SLC13A5: variants seen among roughly 807,000 people sequenced by gnomAD.
The protein encoded by SLC13A5 is Na(+)/citrate cotransporter.
A neutral mutation model predicts 56.5 loss-of-function variants in SLC13A5; 25 were observed. The observed-to-expected ratio is 0.44, with a 90% CI of 0.32 to 0.62. The LOEUF (loss-of-function observed/expected upper bound fraction) is 0.62, where lower values mean the gene tolerates loss of function less well. Among genes scored for constraint, SLC13A5 ranks in the 20% least tolerant of loss-of-function variants. SLC13A5 has a pLI of 0.04. For synonymous variants in SLC13A5, 307 were observed against 301.5 expected (o/e 1.02, Z -0.19); for missense variants, 649 against 737.8 (o/e 0.88, Z 1.39).
In SLC13A5 at chr17:6,687,585, C is replaced by A. The variant is rs751195634; in HGVS notation, c.1519G>T (p.Ala507Ser). 1 of 1,613,820 alleles carries A rather than the reference C, an allele frequency of 6.2e-7. No individual in the cohort carries two copies. The highest frequency in any genetic ancestry group is 1.7e-5 in the Admixed American group (1 of 59,978). Residue 507 changes from alanine (A) to serine (S), a missense_variant, in exon 11 of 12, where the codon GCC becomes TCC. Transcript: ENST00000433363. The surrounding 1 kb of genome is among the most constrained non-coding windows in gnomAD (Gnocchi z 5.0). ...SASFAFMLPVATPPNAIVFTY... is the reference protein window; with the variant it reads ...SASFAFMLPVSTPPNAIVFTY... Reference sequence around the variant, plus strand: ...AACACGATGGCATTTGGAGGGGTGGCCACAGGCAACATGAAGGCAAAGGAG... The same window carrying A: ...AACACGATGGCATTTGGAGGGGTGGACACAGGCAACATGAAGGCAAAGGAG...
chr17:6,700,999 C>T lies in SLC13A5; in HGVS notation c.839+5G>A. 1 of 1,614,152 alleles carries T rather than the reference C, an allele frequency of 6.2e-7. No individual in the cohort carries two copies. The highest frequency in any genetic ancestry group is 1.1e-5 in the South Asian group (1 of 91,088). The stretch of plus-strand genomic sequence containing the variant: ...ATAATTAGGCTGTGAGCAGCTCAAA[C>T]TTACTTGAATCTCATGTAAACAAAC... On this transcript the variant is annotated splice_donor_5th_base_variant and intron_variant, in intron 6 of 11. Coordinates refer to ENST00000433363, the MANE Select transcript of SLC13A5 (RefSeq NM_177550.5).
chr17:6,712,158 G>C (rs1374012649), intron 1 of SLC13A5, among the ~76,000 whole-genome samples: 1 of 152,222 alleles, frequency 6.6e-6, no homozygotes, highest in Non-Finnish European at 1.5e-5. Flanking sequence ...TGGAAGTCCA[G>C]TTCTCTTGCA....
At chr17:6,694,009 T>TCCCTCTAGGGCC in intron 8 of SLC13A5, 88 bp downstream of exon 8, 1 of 729,270 alleles carries the variant, frequency 1.4e-6, no homozygotes. Flanking sequence ...TGGGATTTTC[T>TCCCTCTAGGGCC]CCCTCTAGGG....
intron 1 of SLC13A5, among the ~76,000 whole-genome samples, chr17:6,708,178 C>A (rs1973922595): frequency 6.6e-6 from 1 of 152,230 alleles, no homozygotes; most frequent in Non-Finnish European, 1.5e-5. Context: ...CCACATTGGC[C>A]AGGCTGATCT....
Position 6,703,150 on chromosome 17 carries a change from A to C in SLC13A5, c.548-12T>G, listed in dbSNP as rs1973763293. On this transcript the variant is annotated splice_polypyrimidine_tract_variant and intron_variant, in intron 4 of 11. Coordinates refer to ENST00000433363, the MANE Select transcript of SLC13A5 (RefSeq NM_177550.5). ...AATCACTTGACTCCCTGTGGTGGGC[A>C]CAGCGCTGTTAGCTGAGCCAGTCAT... 7.4e-6 allele frequency: 12 copies of C among 1,613,734 alleles called. No individual in the cohort carries two copies. The highest frequency in any genetic ancestry group is 1.0e-5 in the Non-Finnish European group (12 of 1,179,938).
rs886292151 is a variant in SLC13A5 at position 6,685,895 on chromosome 17, G to A, written c.*312C>T. 10 of 363,586 alleles carry A rather than the reference G, an allele frequency of 2.8e-5. No homozygotes were observed. Among genetic ancestry groups the A allele is most frequent in the African/African-American group, 1.4e-4 (7 of 48,688 alleles). 22.5% of individuals were successfully genotyped at this position (363,586 alleles called of 1,614,324 possible). A position where few individuals can be genotyped will look rare whatever the true frequency, so the allele number is the denominator to read the frequency against. On this transcript the variant is annotated 3_prime_UTR_variant, in exon 12 of 12. Transcript: ENST00000433363. This position sits in a 1 kb window ranked among gnomAD's most constrained non-coding sequence, Gnocchi z 4.2. Reference sequence around the variant, plus strand: ...GTGGGGGATGCTTGAGGCAGAGCGGGTACAGCAGCCTGCATCCTGATCCCT... The same window carrying A: ...GTGGGGGATGCTTGAGGCAGAGCGGATACAGCAGCCTGCATCCTGATCCCT...
chr17:6,694,064 C>T lies in SLC13A5; in HGVS notation c.1156+33G>A, dbSNP rs896804779. On this transcript the variant is annotated intron_variant, in intron 8 of 11. Coordinates refer to ENST00000433363, the MANE Select transcript of SLC13A5 (RefSeq NM_177550.5). ...ACCCTTTGGTTCCAGGGCTCCAGTC[C>T]TGATGACTGGGCGATCAGAACAGGA... 4.0e-6 allele frequency: 6 copies of T among 1,494,178 alleles called. No homozygotes were observed. In the African/African-American group the frequency reaches 6.9e-5, roughly 17 times the overall value. 92.6% of individuals were successfully genotyped at this position (1,494,178 alleles called of 1,614,324 possible).
chr17:6,705,193 G>C (rs1338246822), intron 3 of SLC13A5: 1 of 152,450 alleles, frequency 6.6e-6, no homozygotes, highest in Middle Eastern at 3.4e-3. Flanking sequence ...CGGGACCCAG[G>C]CTAGGAGGAG....
At position 6,686,101 on chromosome 17, in the gene SLC13A5, T is replaced by C. The variant is rs1444245481; in HGVS notation, c.*106A>G. On this transcript the variant is annotated 3_prime_UTR_variant, in exon 12 of 12. Transcript: ENST00000433363. ...GGGTTTTGGTGGTGTGTGGACATCG[T>C]TGGGTCATTTTGGGGTGTGAACCCC... is the stretch of plus-strand genomic sequence containing the variant. 1 of 1,510,928 alleles carries C rather than the reference T, an allele frequency of 6.6e-7. No individual in the cohort carries two copies. Among genetic ancestry groups the C allele is most frequent in the Non-Finnish European group, 9.0e-7 (1 of 1,111,944 alleles). The allele number at this position is 1,510,928 out of a possible 1,614,324, so 93.6% of individuals were successfully genotyped here. A position where few individuals can be genotyped will look rare whatever the true frequency, so the allele number is the denominator to read the frequency against.
rs1304662475 is a variant in SLC13A5, at chr17:6,687,135, C to T, written c.1575+394G>A. The T allele has an allele frequency of 4.5e-6, 1 of 220,732 alleles. No individual in the cohort carries two copies. The highest frequency in any genetic ancestry group is 2.4e-5 in the African/African-American group (1 of 42,076). 13.7% of individuals were successfully genotyped at this position (220,732 alleles called of 1,614,324 possible). On this transcript the variant is annotated intron_variant, in intron 11 of 11. Coordinates refer to ENST00000433363, the MANE Select transcript of SLC13A5 (RefSeq NM_177550.5). This position sits in a 1 kb window ranked among gnomAD's most constrained non-coding sequence, Gnocchi z 5.0. ...TACCTCTTCAGGCACCCCTACAAAT[C>T]TCTGTGACTGTCATTAGCATCCCCC...
In SLC13A5 at chr17:6,695,816, C is replaced by G; in HGVS notation, c.965G>C (p.Cys322Ser). Residue 322 changes from cysteine (C) to serine (S), a missense_variant, in exon 7 of 12, where the codon TGC (cysteine) becomes TCC (serine). Cys to Ser is a moderately radical substitution (Grantham distance 112). Coordinates refer to ENST00000433363, the MANE Select transcript of SLC13A5 (RefSeq NM_177550.5). ...CCACAGGATGACCAGCAGGAAGAAG[C>G]AGATCAGCACGTTGATCTCCGCGAA... ...LSFAEINVLI[C>S]FFLLVILWFS... 1 of 1,614,220 alleles carries G rather than the reference C, an allele frequency of 6.2e-7. No homozygotes were observed. The highest frequency in any genetic ancestry group is 8.5e-7 in the Non-Finnish European group (1 of 1,180,048).
At position 6,711,635 on chromosome 17, in the gene SLC13A5, CGT is replaced by C. The variant is rs1168295245; in HGVS notation, c.102+1595_102+1596del. Among the ~76,000 whole-genome samples, 12 of 145,076 alleles carry C rather than the reference CGT, an allele frequency of 8.3e-5. No individual in the cohort carries two copies. The South Asian group carries it at 2.5e-3, about 30-fold the overall frequency. On this transcript the variant is annotated intron_variant, in intron 1 of 11. Transcript: ENST00000433363. This position sits in a 1 kb window ranked among gnomAD's most constrained non-coding sequence, Gnocchi z 4.0. ...GTTTTTGTGTGTGTTTGTGTTTGTG[CGT>C]GTGTTTTGTGTGTGTCTGTGTGTTT...
chr17:6,712,180 T>C (rs1974058014), intron 1 of SLC13A5, among the ~76,000 whole-genome samples: 1 of 152,218 alleles, frequency 6.6e-6, no homozygotes, highest in African/African-American at 2.4e-5. Flanking sequence ...GTTGGCTTCC[T>C]GACACCCCAG....
chr17:6,704,254 CCT>C (rs749562711), intron 3 of SLC13A5, 198 bp from the exon 4 acceptor site: 56 of 700,732 alleles, frequency 8.0e-5, no homozygotes, highest in Admixed American at 1.8e-4. Context: ...TTCCTCCATT[CCT>C]CTCTCCCTCC....
chr17:6,686,568 C>A, intron 11 of SLC13A5: 1 of 497,770 alleles, frequency 2.0e-6, no homozygotes, highest in Non-Finnish European at 3.6e-6. Flanking sequence ...TGCCCGTGCG[C>A]ATTTGGAAAA....
At chr17:6,689,711 T>C (rs919636004) in intron 10 of SLC13A5, 11 of 152,118 alleles carry the variant, frequency 7.2e-5, no homozygotes, top group African/African-American at 2.7e-4. Flanking sequence ...AACACTTTCA[T>C]CTTCACTTGG....
chr17:6,701,111 G>A lies in SLC13A5; in HGVS notation c.732C>T (p.Ser244=), dbSNP rs1360093749. 3.7e-6 allele frequency: 6 copies of A among 1,614,062 alleles called. No individual in the cohort carries two copies. The highest frequency in any genetic ancestry group is 5.1e-6 in the Non-Finnish European group (6 of 1,179,958). The change falls in exon 6 of 12, where the codon AGC becomes AGT. Residue 244 remains serine, a synonymous_variant. Coordinates refer to ENST00000433363, the MANE Select transcript of SLC13A5 (RefSeq NM_177550.5). The surrounding 1 kb of genome is among the most constrained non-coding windows in gnomAD (Gnocchi z 4.1). ...AGGAAGCAAAGTTCACGAGGTCCTT[G>A]CTGTCAGGAAACAACCTACAAGAAG... ...LGQMNELFPD[S]KDLVNFASWF...
intron 4 of SLC13A5, among the ~76,000 whole-genome samples, 175 bp downstream of exon 4, chr17:6,703,703 A>AACTTAG (rs769695932): frequency 5.0e-4 from 71 of 140,800 alleles, no homozygotes; most frequent in Middle Eastern, 3.7e-3. Context: ...AGTTGTGTGC[A>AACTTAG]ATAATCCCCT....
intron 4 of SLC13A5, 92 bp downstream of exon 4, chr17:6,703,786 A>G: frequency 2.2e-6 from 3 of 1,347,292 alleles, no homozygotes; most frequent in Non-Finnish European, 3.0e-6. Context: ...TCCGGGAAGC[A>G]GACAGGGAGA....
Sources: allele counts gnomAD v4.1 joint callset (sites outside exome capture counted in the v4.1 genomes callset), GRCh38; gene constraint gnomAD v4.1.1; non-coding constraint Gnocchi (gnomAD v3.1); transcripts MANE v1.5; gene names NCBI Gene and HGNC (gene_info 2026-07-23, HGNC 2026-07-21).